The following SPICE1 variants were observed in gnomAD, a reference collection of about 807,000 sequenced individuals.
The protein encoded by SPICE1 is spindle and centriole-associated protein 1.
In SPICE1, 75 loss-of-function variants were observed where a neutral mutation model predicts 102.7. The observed-to-expected ratio is 0.73, with a 90% CI of 0.61 to 0.88. The LOEUF is 0.88. SPICE1 is among the 40% of genes least tolerant of loss of function. The pLI is 0.00. For missense variants in SPICE1, 979 were observed against 1,020.1 expected (o/e 0.96, Z 0.55); for synonymous variants, 308 against 350.3 (o/e 0.88, Z 1.35).
intron 12 of SPICE1, chr3:113,459,904 T>C (rs78349154): frequency 1.0e-6 from 1 of 972,280 alleles, no homozygotes. Flanking sequence ...AAAAAAAAAA[T>C]AGCAAGACTC....
In SPICE1 at chr3:113,448,083, G is replaced by A. The variant is rs1935559477; in HGVS notation, c.2381C>T (p.Ser794Leu). 6.2e-7 allele frequency: 1 copy of A among 1,611,232 alleles called. No individual in the cohort carries two copies. The highest frequency in any genetic ancestry group is 1.7e-5 in the Admixed American group (1 of 59,948). The stretch of plus-strand genomic sequence containing the variant: ...GACGGGAGAGACAGTACTACATTTT[G>A]AGCTTTCTGGGGCTTCTGCTCCTGG... ...SIPGAEAPES[S>L]KCSTVSPVSG... The change falls in exon 16 of 18, where the codon TCA becomes TTA. Residue 794 changes from serine (S) to leucine (L), a missense_variant. Coordinates refer to ENST00000295872, the MANE Select transcript of SPICE1 (RefSeq NM_144718.4).
rs567084488 is a variant in SPICE1 at position 113,468,095 on chromosome 3, C to T, written c.1155+44G>A. On this transcript the variant is annotated intron_variant, in intron 10 of 17. Coordinates refer to ENST00000295872, the MANE Select transcript of SPICE1 (RefSeq NM_144718.4). ...AAATGGAAAGGAAAAAAAACTCATG[C>T]ATTTCTGCCTGAAAAGAAGACTCTA... 8 of 1,563,606 alleles carry T rather than the reference C, an allele frequency of 5.1e-6. No individual in the cohort carries two copies. The African/African-American group carries it at 9.6e-5, about 19-fold the overall frequency.
Position 113,457,224 on chromosome 3 carries a change from CT to C in SPICE1, c.1568del (p.Lys523ArgfsTer14). 1 of 1,614,166 alleles carries C rather than the reference CT, an allele frequency of 6.2e-7. No homozygotes were observed. Among genetic ancestry groups the C allele is most frequent in the Non-Finnish European group, 8.5e-7 (1 of 1,180,032 alleles). On this transcript the variant is annotated frameshift_variant, in exon 13 of 18. Coordinates refer to ENST00000295872, the MANE Select transcript of SPICE1 (RefSeq NM_144718.4). LOFTEE classifies it high-confidence loss of function. ...GCTCAAAAATATGTGCTGGAAAATT[CT>C]TGGCCAGATTCATGTTATCTGGAGG... is the stretch of plus-strand genomic sequence containing the variant. ...PDPPDNMNLA[K>X]NFPAHIFEPA...
chr3:113,504,157 C>T (rs114154543), intron 2 of SPICE1, among the ~76,000 whole-genome samples: 16 of 152,176 alleles, frequency 1.1e-4, no homozygotes, highest in African/African-American at 3.9e-4. Flanking sequence ...TATCAGAGTC[C>T]GTGTAAATAG....
At chr3:113,457,388 A>T (rs1935803048) in intron 12 of SPICE1, 31 bp from the exon 13 acceptor site, 2 of 1,603,282 alleles carry the variant, frequency 1.2e-6, no homozygotes, top group Non-Finnish European at 1.7e-6. Flanking sequence ...TTAGTACAAT[A>T]GGAACAAAAA....
At chr3:113,468,728 T>A in intron 9 of SPICE1, 34 bp downstream of exon 9, 1 of 1,596,548 alleles carries the variant, frequency 6.3e-7, no homozygotes, top group East Asian at 2.2e-5. Context: ...AGTTACATGT[T>A]TAATATTCAT....
chr3:113,477,212 A>C (rs573521045), intron 7 of SPICE1, among the ~76,000 whole-genome samples: 262 of 152,318 alleles, frequency 1.7e-3, no homozygotes, highest in African/African-American at 6.2e-3. Context: ...CCATCAGAGA[A>C]ATGCAAATCA....
At chr3:113,514,584 C>T (rs1937286316) in intron 1 of SPICE1, 20 of 456,796 alleles carry the variant, frequency 4.4e-5, no homozygotes, top group South Asian at 3.1e-4. Flanking sequence ...CATTCTTTTC[C>T]CTCTGCTTGG....
chr3:113,457,093 A>T, intron 13 of SPICE1, 43 bp downstream of exon 13: 1 of 1,567,192 alleles, frequency 6.4e-7, no homozygotes, highest in Middle Eastern at 1.7e-4. Flanking sequence ...CACAAATGAA[A>T]CATTAAAAAA....
chr3:113,453,259 A>C (rs1001115642), intron 14 of SPICE1, among the ~76,000 whole-genome samples: 8 of 152,202 alleles, frequency 5.3e-5, no homozygotes, highest in African/African-American at 1.9e-4. Context: ...TCATTTATAT[A>C]ATTTCCCTTT....
intron 7 of SPICE1, among the ~76,000 whole-genome samples, chr3:113,481,858 A>C (rs930168076): frequency 1.3e-5 from 2 of 152,182 alleles, no homozygotes; most frequent in Non-Finnish European, 2.9e-5. Context: ...GTTATTGTGA[A>C]TAGTGATGCA....
Position 113,448,092 on chromosome 3 carries a change from G to C in SPICE1, c.2372C>G (p.Pro791Arg), listed in dbSNP as rs1935559564. Residue 791 changes from proline (P) to arginine (R), a missense_variant, in exon 16 of 18, where the codon CCA (proline) becomes CGA (arginine). Coordinates refer to ENST00000295872, the MANE Select transcript of SPICE1 (RefSeq NM_144718.4). ...IEVSIPGAEA[P>R]ESSKCSTVSP... is the part of the protein sequence containing the mutation. ...GACAGTACTACATTTTGAGCTTTCT[G>C]GGGCTTCTGCTCCTGGAATAGATAC... 3 of 1,610,990 alleles carry C rather than the reference G, an allele frequency of 1.9e-6. No individual in the cohort carries two copies. The highest frequency in any genetic ancestry group is 1.1e-5 in the South Asian group (1 of 90,510).
chr3:113,489,781 G>A (rs573369494), intron 6 of SPICE1, among the ~76,000 whole-genome samples: 2 of 150,110 alleles, frequency 1.3e-5, no homozygotes, highest in Admixed American at 6.7e-5. Flanking sequence ...CAGGAAGGTC[G>A]AGGCTGCAGT....
intron 6 of SPICE1, among the ~76,000 whole-genome samples, chr3:113,490,211 T>C (rs1374910197): frequency 6.6e-6 from 1 of 152,218 alleles, no homozygotes; most frequent in Non-Finnish European, 1.5e-5. Context: ...TCTCCCCTCA[T>C]CTGATCCACT....
intron 7 of SPICE1, among the ~76,000 whole-genome samples, chr3:113,486,301 C>T (rs1446103533): frequency 1.4e-5 from 2 of 147,042 alleles, no homozygotes; most frequent in Non-Finnish European, 3.0e-5. Flanking sequence ...ACTAGAGAAG[C>T]AAGAGCAAAC....
chr3:113,469,246 T>C lies in SPICE1; in HGVS notation c.612-8A>G, dbSNP rs1489172606. On this transcript the variant is annotated splice_region_variant and splice_polypyrimidine_tract_variant and intron_variant, in intron 7 of 17. Coordinates refer to ENST00000295872, the MANE Select transcript of SPICE1 (RefSeq NM_144718.4). ...GTTAGTTGTTGGAGAAACCTATAAATTACAGGACAATAAGCTACATGAGAA... is the reference window on the plus strand; with the variant it reads ...GTTAGTTGTTGGAGAAACCTATAAACTACAGGACAATAAGCTACATGAGAA... 10 of 1,506,964 alleles carry C rather than the reference T, an allele frequency of 6.6e-6. No individual in the cohort carries two copies. Among genetic ancestry groups the C allele is most frequent in the Non-Finnish European group, 8.9e-6 (10 of 1,118,104 alleles). The allele number at this position is 1,506,964 out of a possible 1,614,324, so 93.3% of individuals were successfully genotyped here.
intron 1 of SPICE1, among the ~76,000 whole-genome samples, chr3:113,512,555 C>T (rs1937242891): frequency 6.6e-6 from 1 of 151,874 alleles, no homozygotes. Context: ...ATTACAGGCG[C>T]TTGCCACCAT....
At chr3:113,476,545 C>T (rs903590384) in intron 7 of SPICE1, among the ~76,000 whole-genome samples, 4 of 142,932 alleles carry the variant, frequency 2.8e-5, no homozygotes, top group African/African-American at 5.5e-5. Context: ...TACTACAAGG[C>T]TACAGTAACC....
At chr3:113,489,264 G>A (rs1342355969) in intron 6 of SPICE1, among the ~76,000 whole-genome samples, 1 of 151,896 alleles carries the variant, frequency 6.6e-6, no homozygotes, top group Non-Finnish European at 1.5e-5. Flanking sequence ...TCTCTGTAGT[G>A]GCTTCAGTTC....
Sources: gnomAD v4.1 joint callset for allele counts (sites outside exome capture counted in the v4.1 genomes callset) on GRCh38, gnomAD v4.1.1 for gene constraint, MANE v1.5 for transcripts, NCBI Gene and HGNC (gene_info 2026-07-23, HGNC 2026-07-21) for gene names.